PIN4: variants seen among roughly 807,000 people sequenced by gnomAD.
PIN4 encodes the protein peptidyl-prolyl cis-trans isomerase NIMA-interacting 4.
In PIN4, 3 loss-of-function variants were observed where a neutral mutation model predicts 8.3. That is an observed-to-expected ratio of 0.36 (90% confidence interval 0.16 to 0.93). PIN4 has a LOEUF of 0.93. Among genes scored for constraint, PIN4 ranks in the 40% least tolerant of loss-of-function variants. PIN4 has a pLI of 0.44. For synonymous variants in PIN4, 18 were observed against 32.5 expected, an observed-to-expected ratio of 0.55 and a Z score of 1.52; for missense variants, 75 against 100.6, an observed-to-expected ratio of 0.75 and a Z score of 1.09.
At chrX:72,219,774 G>A (rs1428611699) in intron 3 of PIN4, among the ~76,000 whole-genome samples, 5 of 108,418 alleles carry the variant, frequency 4.6e-5, no homozygotes, top group Non-Finnish European at 7.7e-5. Context: ...ACTTGAACCC[G>A]GGAGGCAGAG....
chrX:72,242,042 C>T (rs1263623001), intron 3 of PIN4, among the ~76,000 whole-genome samples: 1 of 111,384 alleles, frequency 9.0e-6, no homozygotes, highest in Non-Finnish European at 1.9e-5. Flanking sequence ...TCTGGTTGTG[C>T]TTTGGCTCAG....
At chrX:72,226,278 A>C (rs367779070) in intron 3 of PIN4, among the ~76,000 whole-genome samples, 1 of 111,726 alleles carries the variant, frequency 9.0e-6, no homozygotes, top group African/African-American at 3.3e-5. Context: ...TATAGATGGC[A>C]GTGCATCAGA....
downstream of PIN4, among the ~76,000 whole-genome samples, chrX:72,201,174 C>T (rs143828457): frequency 2.7e-5 from 3 of 109,874 alleles, no homozygotes; most frequent in East Asian, 8.5e-4. Context: ...TGCACTCCAG[C>T]CTGGGTGACA....
chrX:72,217,832 G>A (rs1274545195), intron 3 of PIN4, among the ~76,000 whole-genome samples: 1 of 112,091 alleles, frequency 8.9e-6, no homozygotes, highest in Non-Finnish European at 1.9e-5. Context: ...AAAGAACAGT[G>A]TAGAACTCTT....
intron 3 of PIN4, among the ~76,000 whole-genome samples, chrX:72,252,888 T>C (rs961595349): frequency 5.4e-5 from 6 of 111,881 alleles, no homozygotes; most frequent in Non-Finnish European, 1.1e-4. Flanking sequence ...TTGTGTTAGC[T>C]TTGAGCAAGT....
chrX:72,201,540 C>T (rs1325133594), downstream of PIN4, among the ~76,000 whole-genome samples: 2 of 111,395 alleles, frequency 1.8e-5, no homozygotes, highest in Non-Finnish European at 3.8e-5. Flanking sequence ...GCCCAGGAGG[C>T]GGAGGTTGCA....
chrX:72,236,696 G>A (rs1173856438), intron 3 of PIN4, among the ~76,000 whole-genome samples: 1 of 112,027 alleles, frequency 8.9e-6, no homozygotes, highest in Non-Finnish European at 1.9e-5. Flanking sequence ...TAGGTTCTTG[G>A]CAACTGCAAC....
rs377312893 is a variant in PIN4, at chrX:72,246,706, C to T, written c.313-16001C>T. Among the ~76,000 whole-genome samples, 15 of 111,766 alleles carry T rather than the reference C, an allele frequency of 1.3e-4. No individual in the cohort carries two copies. In the East Asian group the frequency reaches 4.0e-3, roughly 29 times the overall value. On this transcript the variant is annotated intron_variant, in intron 3 of 3. Coordinates refer to the PIN4 transcript ENST00000423432. ...GCCTCCCCACATGCAGTTTCCTCTGCCTGGACTCACCCTTTTCACCTCACT... is the reference window on the plus strand; with the variant it reads ...GCCTCCCCACATGCAGTTTCCTCTGTCTGGACTCACCCTTTTCACCTCACT...
chrX:72,239,816 G>GCA (rs2043041021), intron 3 of PIN4, among the ~76,000 whole-genome samples: 1 of 96,379 alleles, frequency 1.0e-5, no homozygotes, highest in Non-Finnish European at 2.0e-5. Context: ...AGTGCCTCAC[G>GCA]CCTGTTATCC....
At chrX:72,257,726 G>A (rs1417506491) in intron 3 of PIN4, among the ~76,000 whole-genome samples, 1 of 111,774 alleles carries the variant, frequency 8.9e-6, no homozygotes, top group Admixed American at 9.5e-5. Context: ...AGGGACTCGG[G>A]AGTTAAGTTG....
chrX:72,231,337 T>C (rs969985102), intron 3 of PIN4, among the ~76,000 whole-genome samples: 6 of 111,492 alleles, frequency 5.4e-5, no homozygotes, highest in African/African-American at 1.6e-4. Flanking sequence ...AAATACTCCA[T>C]GATCTCGCTT....
chrX:72,213,930 C>T (rs2042872643), intron 3 of PIN4, among the ~76,000 whole-genome samples: 1 of 112,195 alleles, frequency 8.9e-6, no homozygotes, highest in South Asian at 3.7e-4. Flanking sequence ...TAACAGTTTC[C>T]CTATACTGAT....
intron 3 of PIN4, among the ~76,000 whole-genome samples, chrX:72,239,978 G>C (rs2043042046): frequency 9.5e-6 from 1 of 105,695 alleles, no homozygotes; most frequent in African/African-American, 3.5e-5. Flanking sequence ...AAAAGAGAGA[G>C]AGAAAGAGAG....
At chrX:72,258,435 A>C (rs1255255925) in intron 3 of PIN4, among the ~76,000 whole-genome samples, 3 of 112,261 alleles carry the variant, frequency 2.7e-5, no homozygotes, top group Admixed American at 9.4e-5. Flanking sequence ...GATTGCAAAC[A>C]TATGGCCCCC....
At chrX:72,206,622 T>G in intron 3 of PIN4, 1 of 1,211,672 alleles carries the variant, frequency 8.3e-7, no homozygotes, top group Non-Finnish European at 1.1e-6. Context: ...TCAGGAACTC[T>G]TTATTTTGAG....
chrX:72,248,978 C>T (rs1048162154), intron 3 of PIN4, among the ~76,000 whole-genome samples: 7 of 111,933 alleles, frequency 6.3e-5, no homozygotes, highest in Non-Finnish European at 9.4e-5. Flanking sequence ...TGGGGCCAAT[C>T]TTTAGTTCAC....
At chrX:72,245,042 A>G (rs2043062309) in intron 3 of PIN4, among the ~76,000 whole-genome samples, 1 of 78,500 alleles carries the variant, frequency 1.3e-5, no homozygotes, top group African/African-American at 5.2e-5. Context: ...ACTGTACTCC[A>G]GCCCGAGTGA....
chrX:72,209,172 A>T (rs1391645752), intron 3 of PIN4, among the ~76,000 whole-genome samples: 2 of 110,106 alleles, frequency 1.8e-5, no homozygotes, highest in Non-Finnish European at 3.8e-5. Context: ...TTCACTGACC[A>T]TTTCTTCTGT....
intron 3 of PIN4, among the ~76,000 whole-genome samples, chrX:72,221,913 C>T (rs2042925145): frequency 9.1e-6 from 1 of 110,088 alleles, no homozygotes; most frequent in African/African-American, 3.3e-5. Context: ...TCCTCCAAAA[C>T]CCCTTCCCTC....
Sources: allele counts gnomAD v4.1 joint callset (sites outside exome capture counted in the v4.1 genomes callset), GRCh38; gene constraint gnomAD v4.1.1; transcripts MANE v1.5; gene names NCBI Gene and HGNC (gene_info 2026-07-23, HGNC 2026-07-21).